Variants in ST6GALNAC1 observed in about 807,000 individuals in gnomAD.
ST6GALNAC1 encodes alpha-N-acetylgalactosaminide alpha-2,6-sialyltransferase 1.
A neutral mutation model predicts 56.8 loss-of-function variants in ST6GALNAC1; 45 were observed. The observed-to-expected ratio is 0.79, with a 90% CI of 0.62 to 1.02. The LOEUF (loss-of-function observed/expected upper bound fraction) is 1.02. Among genes scored for constraint, ST6GALNAC1 ranks in the 50% least tolerant of loss-of-function variants. ST6GALNAC1 has a pLI of 0.00. For missense variants in ST6GALNAC1, 743 were observed against 754.8 expected, an observed-to-expected ratio of 0.98 and a Z score of 0.18; for synonymous variants, 295 against 297.8, an observed-to-expected ratio of 0.99 and a Z score of 0.10.
At chr17:76,639,638 A>AAC (rs55706272) in intron 1 of ST6GALNAC1, among the ~76,000 whole-genome samples, 2,192 of 125,116 alleles carry the variant, frequency 0.018, 55 homozygotes, top group Middle Eastern at 0.05. Context: ...TTACATGATA[A>AAC]ACACACACAC....
intron 1 of ST6GALNAC1, among the ~76,000 whole-genome samples, chr17:76,640,760 G>A (rs910701537): frequency 1.3e-5 from 2 of 152,116 alleles, no homozygotes; most frequent in Non-Finnish European, 2.9e-5. Context: ...GACCACAAAG[G>A]AAAAGATGGA....
At chr17:76,621,681 G>T (rs945239068), downstream of ST6GALNAC1, among the ~76,000 whole-genome samples, 31 of 151,898 alleles carry the variant, frequency 2.0e-4, no homozygotes, top group African/African-American at 7.5e-4. Context: ...TCATCATTTG[G>T]CCAGGCTAGT....
chr17:76,626,376 T>G lies in ST6GALNAC1; in HGVS notation c.1328A>C (p.His443Pro), dbSNP rs536267518. The G allele has an allele frequency of 3.1e-6, 5 of 1,614,104 alleles. No homozygotes were observed. Among genetic ancestry groups the G allele is most frequent in the Non-Finnish European group, 4.2e-6 (5 of 1,180,012 alleles). The change falls in exon 6 of 9, where the codon CAC becomes CCC. Residue 443 changes from histidine to proline, a missense_variant. Coordinates refer to ENST00000156626, the MANE Select transcript of ST6GALNAC1 (RefSeq NM_018414.5). ...ATAGTCCCGGGTGCCTTCCAGGAAG[T>G]GCAAGTAGCGGACGTCCTGAGGACC... ...VPLGKDVRYLHFLEGTRDYEW... is the reference protein window; with the variant it reads ...VPLGKDVRYLPFLEGTRDYEW...
intron 4 of ST6GALNAC1, 104 bp from the exon 5 acceptor site, chr17:76,626,893 G>C: frequency 6.6e-7 from 1 of 1,524,650 alleles, no homozygotes; most frequent in Middle Eastern, 1.9e-4. Context: ...GCAGTTATGT[G>C]CGGAAATTCT....
At chr17:76,635,910 G>A (rs1053392809) in intron 1 of ST6GALNAC1, among the ~76,000 whole-genome samples, 11 of 152,222 alleles carry the variant, frequency 7.2e-5, no homozygotes, top group Non-Finnish European at 2.9e-5. Flanking sequence ...ATACGTGTGC[G>A]AGGCAGTGGT....
At chr17:76,634,467 A>C (rs1047194993) in intron 1 of ST6GALNAC1, among the ~76,000 whole-genome samples, 1 of 151,630 alleles carries the variant, frequency 6.6e-6, no homozygotes, top group Non-Finnish European at 1.5e-5. Flanking sequence ...AGTTCCCAAG[A>C]CCCCCTTGGT....
At chr17:76,618,518 T>C in the ST6GALNAC1 span, among the ~76,000 whole-genome samples, 711 of 152,182 alleles carry the variant, frequency 4.7e-3, 10 homozygotes, top group African/African-American at 0.017. Flanking sequence ...TGGCTCATGT[T>C]TGTAATCCCA....
Position 76,643,630 on chromosome 17 carries a change from G to A in ST6GALNAC1, c.9C>T (p.Ser3=). 6.2e-7 allele frequency: 1 copy of A among 1,613,970 alleles called. No individual in the cohort carries two copies. The highest frequency in any genetic ancestry group is 8.5e-7 in the Non-Finnish European group (1 of 1,179,890). MR[S]CLWRCRHLSQ... ...TCAGGTGCCTGCATCTCCACAGGCA[G>A]GACCTCATGGTGGTGGGTCGGGTTC... is the stretch of plus-strand genomic sequence containing the variant. The change falls in exon 1 of 9, where the codon TCC becomes TCT. Residue 3 remains serine (S), a synonymous_variant. Transcript: ENST00000156626.
At position 76,624,805 on chromosome 17, in the gene ST6GALNAC1, A is replaced by G. The variant is rs1447767261; in HGVS notation, c.*525T>C. ...ATTTGCCTTTCCATGGACAACAATC[A>G]TTTGTATTATTATCAGTTTTCTACA... is the stretch of plus-strand genomic sequence containing the variant. On this transcript the variant is annotated 3_prime_UTR_variant, in exon 9 of 9. Coordinates refer to ENST00000156626, the MANE Select transcript of ST6GALNAC1 (RefSeq NM_018414.5). The G allele has an allele frequency of 1.3e-5, 2 of 153,868 alleles. No homozygotes were observed. Among genetic ancestry groups the G allele is most frequent in the East Asian group, 3.8e-4 (2 of 5,212 alleles). The allele number at this position is 153,868 out of a possible 1,614,324, so 9.5% of individuals were successfully genotyped here. A position where few individuals can be genotyped will look rare whatever the true frequency, so the allele number is the denominator to read the frequency against.
chr17:76,619,745 T>G, the ST6GALNAC1 span, among the ~76,000 whole-genome samples: 2 of 104,220 alleles, frequency 1.9e-5, no homozygotes, highest in African/African-American at 3.2e-5. Context: ...TGTTAGTTTT[T>G]TTTTTTTTTT....
At chr17:76,642,556 C>T (rs987116841) in intron 1 of ST6GALNAC1, among the ~76,000 whole-genome samples, 1 of 152,060 alleles carries the variant, frequency 6.6e-6, no homozygotes, top group Non-Finnish European at 1.5e-5. Flanking sequence ...AATAGGGAGA[C>T]CCTCACTTCC....
chr17:76,626,470 G>C (rs575990789), intron 5 of ST6GALNAC1, 78 bp from the exon 6 acceptor site: 12 of 1,524,254 alleles, frequency 7.9e-6, no homozygotes, highest in Non-Finnish European at 1.0e-5. Context: ...CTCTGACTCC[G>C]ACTGCCCACT....
intron 2 of ST6GALNAC1, 46 bp downstream of exon 2, chr17:76,628,966 C>A (rs1446967452): frequency 6.7e-7 from 1 of 1,503,428 alleles, no homozygotes; most frequent in East Asian, 2.3e-5. Flanking sequence ...TCAGGAGGGG[C>A]TTCAGAGCTG....
At chr17:76,637,540 G>A (rs1241288611) in intron 1 of ST6GALNAC1, 3 of 394,716 alleles carry the variant, frequency 7.6e-6, no homozygotes, top group African/African-American at 4.1e-5. Flanking sequence ...AATTATGTAA[G>A]CTTTTGGTAC....
In ST6GALNAC1 at chr17:76,627,781, A is replaced by T. The variant is rs1303791928; in HGVS notation, c.832-198T>A. Among the ~76,000 whole-genome samples, 5 of 152,054 alleles carry T rather than the reference A, an allele frequency of 3.3e-5. No individual in the cohort carries two copies. The highest frequency in any genetic ancestry group is 3.3e-4 in the Admixed American group (5 of 15,270). On this transcript the variant is annotated intron_variant, in intron 2 of 8. Coordinates refer to ENST00000156626, the MANE Select transcript of ST6GALNAC1 (RefSeq NM_018414.5). The surrounding 1 kb of genome is among the most constrained non-coding windows in gnomAD (Gnocchi z 4.4). ...ATTGTGGTCCTGAGGGTTCTGGGAA[A>T]TGGGTGTTCTCGGCCATCGAGGCAA... is the stretch of plus-strand genomic sequence containing the variant.
Position 76,629,545 on chromosome 17 carries a change from T to C in ST6GALNAC1, c.298A>G (p.Arg100Gly). 1 of 1,613,922 alleles carries C rather than the reference T, an allele frequency of 6.2e-7. No homozygotes were observed. ...GGTGCCTGGTTGGCCTCCTTTCCTC[T>C]GTCTCCGGTGGTGTGGGCCTTGGGC... ...TQPKAHTTGD[R>G]GKEANQAPPE... is the part of the protein sequence containing the mutation. Residue 100 changes from arginine (R) to glycine (G), a missense_variant, in exon 2 of 9, where the codon AGA becomes GGA. Coordinates refer to ENST00000156626, the MANE Select transcript of ST6GALNAC1 (RefSeq NM_018414.5).
downstream of ST6GALNAC1, among the ~76,000 whole-genome samples, chr17:76,621,450 G>C (rs1257704384): frequency 1.3e-5 from 2 of 149,848 alleles, no homozygotes; most frequent in African/African-American, 4.9e-5. Context: ...CAAAGTGCTG[G>C]GATTACAGGC....
chr17:76,620,486 C>A (rs2075728698), downstream of ST6GALNAC1, among the ~76,000 whole-genome samples: 2 of 152,076 alleles, frequency 1.3e-5, no homozygotes, highest in Admixed American at 6.6e-5. Context: ...CTCTGCTGAC[C>A]CTTATTCAAT....
At chr17:76,632,173 C>T (rs1256324979) in intron 1 of ST6GALNAC1, among the ~76,000 whole-genome samples, 1 of 152,186 alleles carries the variant, frequency 6.6e-6, no homozygotes, top group African/African-American at 2.4e-5. Context: ...TCCCAACCCC[C>T]AGCCTCAAGA....
Sources: allele counts gnomAD v4.1 joint callset (sites outside exome capture counted in the v4.1 genomes callset), GRCh38; gene constraint gnomAD v4.1.1; non-coding constraint Gnocchi (gnomAD v3.1); transcripts MANE v1.5; gene names NCBI Gene and HGNC (gene_info 2026-07-23, HGNC 2026-07-21).